The following FAM227A variants were observed in gnomAD, a reference collection of about 807,000 sequenced individuals.
FAM227A encodes the protein family with sequence similarity 227 member A.
FAM227A carries 80 observed loss-of-function variants against 74.7 expected under a neutral mutation model. The ratio of observed to expected loss-of-function variants is 1.07; its 90% CI spans 0.89 to 1.29. The LOEUF (loss-of-function observed/expected upper bound fraction) is 1.29, where lower values mean the gene tolerates loss of function less well. FAM227A is among the 50% of genes most tolerant of loss of function. The probability of loss-of-function intolerance (pLI) is 0.00; values close to 1 mark genes in which losing one functional copy is unlikely to be tolerated. For synonymous variants in FAM227A, 237 were observed against 241.8 expected, an observed-to-expected ratio of 0.98 and a Z score of 0.19; for missense variants, 654 against 683.4, an observed-to-expected ratio of 0.96 and a Z score of 0.48.
chr22:38,631,141 C>G (rs959202763), intron 6 of FAM227A, among the ~76,000 whole-genome samples: 1 of 152,152 alleles, frequency 6.6e-6, no homozygotes, highest in Admixed American at 6.5e-5. Flanking sequence ...CTACTCCAGC[C>G]TGGGCGACAG....
At chr22:38,605,004 T>C (rs868063909) in intron 13 of FAM227A, among the ~76,000 whole-genome samples, 14 of 152,160 alleles carry the variant, frequency 9.2e-5, no homozygotes, top group African/African-American at 3.4e-4. Context: ...ATCACTTATT[T>C]GCTTTATGAT....
At chr22:38,623,619 G>A (rs190836905) in intron 9 of FAM227A, among the ~76,000 whole-genome samples, 3 of 152,260 alleles carry the variant, frequency 2.0e-5, no homozygotes, top group African/African-American at 4.8e-5. Context: ...CCTGCCCTAC[G>A]TGTCAGCTGG....
Position 38,598,241 on chromosome 22 carries a change from G to C in FAM227A, c.1380-885C>G, listed in dbSNP as rs1394014051. Among the ~76,000 whole-genome samples the C allele has an allele frequency of 2.0e-5, 3 of 152,012 alleles. No homozygotes were observed. In the South Asian group the frequency reaches 6.2e-4, roughly 31 times the overall value. On this transcript the variant is annotated intron_variant, in intron 14 of 16. Transcript: ENST00000535113. ...TTTAGATGATGTTAATCATAATCCTGGTAGTTATTTATGTAGTATCAGCTG... is the reference window on the plus strand; with the variant it reads ...TTTAGATGATGTTAATCATAATCCTCGTAGTTATTTATGTAGTATCAGCTG...
Position 38,584,783 on chromosome 22 carries a change from A to T in FAM227A, c.*1342T>A, listed in dbSNP as rs1188598599. ...AGTCTGCCTCTAAAAAATTTAATTT[A>T]GTTAAAATTAATTAAAAAAAATTTT... On this transcript the variant is annotated 3_prime_UTR_variant, in exon 17 of 17. Coordinates refer to ENST00000535113, the MANE Select transcript of FAM227A (RefSeq NM_001013647.2). 6.6e-6 allele frequency: 1 copy of T among 152,072 alleles called. No homozygotes were observed. Among genetic ancestry groups the T allele is most frequent in the Non-Finnish European group, 1.5e-5 (1 of 68,054 alleles). 9.4% of individuals were successfully genotyped at this position (152,072 alleles called of 1,614,324 possible).
chr22:38,614,032 A>G (rs2091524217), intron 11 of FAM227A, among the ~76,000 whole-genome samples: 1 of 152,094 alleles, frequency 6.6e-6, no homozygotes, highest in Non-Finnish European at 1.5e-5. Context: ...CGCCCATCTA[A>G]TTTTTGTGTT....
At chr22:38,630,791 G>T (rs7290217) in intron 6 of FAM227A, among the ~76,000 whole-genome samples, 1 of 152,114 alleles carries the variant, frequency 6.6e-6, no homozygotes, top group African/African-American at 2.4e-5. Context: ...TAGGATCCCC[G>T]GGACAAGGCA....
At chr22:38,601,049 T>C (rs995772412) in intron 13 of FAM227A, among the ~76,000 whole-genome samples, 1 of 152,066 alleles carries the variant, frequency 6.6e-6, no homozygotes, top group Non-Finnish European at 1.5e-5. Flanking sequence ...CAAATATGTA[T>C]TGAGTGATTA....
intron 11 of FAM227A, among the ~76,000 whole-genome samples, chr22:38,608,531 A>C (rs190833759): frequency 2.6e-5 from 4 of 152,024 alleles, no homozygotes; most frequent in African/African-American, 7.2e-5. Context: ...CCCGGGTTCA[A>C]GCAATTCTCT....
In FAM227A at chr22:38,579,848, T is replaced by C. The variant is rs1008024144; in HGVS notation, c.*6277A>G. The C allele has an allele frequency of 5.9e-5, 9 of 152,192 alleles. No individual in the cohort carries two copies. Among genetic ancestry groups the C allele is most frequent in the African/African-American group, 2.2e-4 (9 of 41,454 alleles). The allele number at this position is 152,192 out of a possible 1,614,324, so 9.4% of individuals were successfully genotyped here. A position where few individuals can be genotyped will look rare whatever the true frequency, so the allele number is the denominator to read the frequency against. Reference sequence around the variant, plus strand: ...AAATATTTAAGATTCAGATATCCATTTGTCTCATAAATGCCACATTTTGTT... The same window carrying C: ...AAATATTTAAGATTCAGATATCCATCTGTCTCATAAATGCCACATTTTGTT... On this transcript the variant is annotated 3_prime_UTR_variant, in exon 17 of 17. Transcript: ENST00000535113.
chr22:38,603,149 C>G (rs533521801), intron 13 of FAM227A, among the ~76,000 whole-genome samples: 1 of 152,074 alleles, frequency 6.6e-6, no homozygotes, highest in South Asian at 2.1e-4. Context: ...GTTTGGATTA[C>G]AGGTGTGAGC....
chr22:38,592,730 T>C (rs1051070635), intron 15 of FAM227A, among the ~76,000 whole-genome samples: 1 of 152,188 alleles, frequency 6.6e-6, no homozygotes, highest in African/African-American at 2.4e-5. Flanking sequence ...AGAAAAGAAA[T>C]TGTAATAAAT....
In FAM227A at chr22:38,586,185, T is replaced by C; in HGVS notation, c.1653A>G (p.Gly551=). 5 of 1,551,710 alleles carry C rather than the reference T, an allele frequency of 3.2e-6. No homozygotes were observed. Among genetic ancestry groups the C allele is most frequent in the Middle Eastern group, 1.7e-4 (1 of 5,992 alleles). Residue 551 remains glycine (G), a synonymous_variant, in exon 17 of 17, where the codon GGA becomes GGG. Coordinates refer to ENST00000535113, the MANE Select transcript of FAM227A (RefSeq NM_001013647.2). ...CTTCTGTTTCTCTTCTCTTTCCCTC[T>C]CCTCCTTTCCCCTCCTGTGGGGGAA... ...PDKKTKEGKG[G]EGKRRETEVE...
intron 2 of FAM227A, among the ~76,000 whole-genome samples, chr22:38,648,951 AAC>A (rs2092283995): frequency 1.3e-5 from 2 of 151,114 alleles, no homozygotes; most frequent in South Asian, 2.1e-4. Context: ...CAGCCTGAGC[AAC>A]AGAGTGAGAC....
chr22:38,607,841 T>C (rs776007150), intron 11 of FAM227A, among the ~76,000 whole-genome samples: 3 of 152,158 alleles, frequency 2.0e-5, no homozygotes, highest in Non-Finnish European at 4.4e-5. Flanking sequence ...GGTGAGTGCT[T>C]CAAAAACATT....
At chr22:38,632,846 A>C (rs1252069069) in intron 6 of FAM227A, among the ~76,000 whole-genome samples, 2 of 152,222 alleles carry the variant, frequency 1.3e-5, no homozygotes, top group African/African-American at 4.8e-5. Flanking sequence ...AGATTCGACA[A>C]GGTGAAAGCT....
chr22:38,648,467 C>T (rs1471197443), intron 2 of FAM227A, among the ~76,000 whole-genome samples: 3 of 150,824 alleles, frequency 2.0e-5, no homozygotes, highest in Non-Finnish European at 4.4e-5. Context: ...ATTAGCCAGA[C>T]GTGGTGGCAC....
chr22:38,622,015 T>C (rs2091701220), intron 10 of FAM227A, among the ~76,000 whole-genome samples: 1 of 152,076 alleles, frequency 6.6e-6, no homozygotes, highest in Non-Finnish European at 1.5e-5. Flanking sequence ...GGAACTCTAC[T>C]CCAGACCTAA....
intron 10 of FAM227A, among the ~76,000 whole-genome samples, chr22:38,622,274 A>C (rs1298247978): frequency 4.6e-5 from 7 of 152,348 alleles, no homozygotes; most frequent in East Asian, 1.9e-4. Flanking sequence ...GCAACAGTCA[A>C]GGTGAGCTGC....
chr22:38,651,482 T>C (rs1350314723), intron 1 of FAM227A, among the ~76,000 whole-genome samples: 1 of 152,102 alleles, frequency 6.6e-6, no homozygotes, highest in Non-Finnish European at 1.5e-5. Context: ...GATTCAAGCC[T>C]CCCGTGTAGC....
Sources: gnomAD v4.1 joint callset for allele counts (sites outside exome capture counted in the v4.1 genomes callset) on GRCh38, gnomAD v4.1.1 for gene constraint, MANE v1.5 for transcripts, NCBI Gene and HGNC (gene_info 2026-07-23, HGNC 2026-07-21) for gene names.